Variants in PKIA observed in about 807,000 individuals in gnomAD.
The protein encoded by PKIA is cAMP-dependent protein kinase inhibitor alpha.
A neutral mutation model predicts 7.6 loss-of-function variants in PKIA; 4 were observed. The ratio of observed to expected loss-of-function variants is 0.52; its 90% CI spans 0.26 to 1.20. The LOEUF (loss-of-function observed/expected upper bound fraction) is 1.20, where lower values mean the gene tolerates loss of function less well. PKIA is among the 50% of genes most tolerant of loss of function. The pLI, the probability that PKIA is intolerant of heterozygous loss-of-function variation, is 0.13. For synonymous variants in PKIA, 21 were observed against 30.7 expected, an observed-to-expected ratio of 0.68 and a Z score of 1.04; for missense variants, 73 against 86.2, an observed-to-expected ratio of 0.85 and a Z score of 0.61.
intron 1 of PKIA, among the ~76,000 whole-genome samples, chr8:78,517,664 G>T (rs1809341151): frequency 1.3e-5 from 2 of 152,140 alleles, no homozygotes; most frequent in South Asian, 2.1e-4. Flanking sequence ...CCATTTGCAG[G>T]TTCCTATCCC....
chr8:78,569,899 T>C (rs77290481), intron 1 of PKIA, among the ~76,000 whole-genome samples: 3,548 of 152,132 alleles, frequency 0.023, 128 homozygotes, highest in African/African-American at 0.081. Context: ...AGAGTGGAGA[T>C]GACAAAGCAT....
chr8:78,563,867 T>C (rs544281604), intron 1 of PKIA, among the ~76,000 whole-genome samples: 10 of 152,286 alleles, frequency 6.6e-5, no homozygotes, highest in Non-Finnish European at 1.2e-4. Flanking sequence ...GTCTAGAATA[T>C]GTTTGAATTT....
chr8:78,573,713 A>G (rs547811464), intron 2 of PKIA, among the ~76,000 whole-genome samples: 4 of 152,132 alleles, frequency 2.6e-5, no homozygotes, highest in South Asian at 2.1e-4. Context: ...GAAGACACAT[A>G]CTGAATAATG....
At chr8:78,520,509 A>G (rs2118312636) in intron 1 of PKIA, among the ~76,000 whole-genome samples, 1 of 152,294 alleles carries the variant, frequency 6.6e-6, no homozygotes, top group East Asian at 1.9e-4. Flanking sequence ...TGTGAATTTT[A>G]CACTAAGAAA....
At chr8:78,582,494 C>T (rs924113224) in intron 2 of PKIA, among the ~76,000 whole-genome samples, 1 of 152,028 alleles carries the variant, frequency 6.6e-6, no homozygotes, top group Non-Finnish European at 1.5e-5. Flanking sequence ...AGTTACCTCC[C>T]TCTGGGTCCC....
intron 2 of PKIA, among the ~76,000 whole-genome samples, chr8:78,578,563 C>T (rs1458920540): frequency 2.0e-5 from 3 of 151,670 alleles, no homozygotes; most frequent in African/African-American, 7.3e-5. Context: ...TTGCTAAAAG[C>T]TCTCGTTAGA....
chr8:78,575,612 G>A (rs1294933373), intron 2 of PKIA, among the ~76,000 whole-genome samples: 1 of 151,948 alleles, frequency 6.6e-6, no homozygotes. Flanking sequence ...ACACGTGCAA[G>A]ATTTATCTTA....
intron 1 of PKIA, among the ~76,000 whole-genome samples, chr8:78,516,724 T>A (rs1347811305): frequency 6.6e-6 from 1 of 152,236 alleles, no homozygotes; most frequent in African/African-American, 2.4e-5. Context: ...AGTGCCAGAT[T>A]CGCGTAGACA....
At chr8:78,553,384 C>T (rs1012976079) in intron 1 of PKIA, among the ~76,000 whole-genome samples, 1 of 151,904 alleles carries the variant, frequency 6.6e-6, no homozygotes, top group African/African-American at 2.4e-5. Flanking sequence ...CCTCATACTC[C>T]TCATCTATAA....
At chr8:78,522,000 G>A (rs2118319362) in intron 1 of PKIA, among the ~76,000 whole-genome samples, 1 of 151,818 alleles carries the variant, frequency 6.6e-6, no homozygotes, top group East Asian at 1.9e-4. Context: ...TTTGTCTCTA[G>A]CTTCTTTCAC....
chr8:78,586,929 T>C (rs573297620), intron 2 of PKIA, among the ~76,000 whole-genome samples: 2 of 152,314 alleles, frequency 1.3e-5, no homozygotes, highest in Middle Eastern at 3.4e-3. Context: ...ATAATCCATA[T>C]ACACAGATGT....
At chr8:78,555,097 T>C (rs189497533) in intron 1 of PKIA, among the ~76,000 whole-genome samples, 20 of 152,152 alleles carry the variant, frequency 1.3e-4, no homozygotes, top group South Asian at 2.1e-4. Flanking sequence ...ACAGGTTGCA[T>C]TTTTCAAACT....
chr8:78,547,392 C>T (rs771261476), intron 1 of PKIA, among the ~76,000 whole-genome samples: 33 of 152,120 alleles, frequency 2.2e-4, no homozygotes, highest in Non-Finnish European at 2.9e-4. Context: ...CGTGAGCCAC[C>T]GCACCTGGCC....
intron 2 of PKIA, among the ~76,000 whole-genome samples, chr8:78,594,314 T>C (rs909262106): frequency 6.6e-5 from 10 of 151,948 alleles, no homozygotes; most frequent in Non-Finnish European, 2.9e-5. Context: ...TGGAAAAATA[T>C]TGCTCATTAT....
chr8:78,564,216 T>C (rs1416231800), intron 1 of PKIA, among the ~76,000 whole-genome samples: 1 of 151,966 alleles, frequency 6.6e-6, no homozygotes, highest in African/African-American at 2.4e-5. Context: ...TTAAGTAGAA[T>C]GAGAAAGAAT....
intron 2 of PKIA, among the ~76,000 whole-genome samples, chr8:78,574,861 A>T (rs529628545): frequency 2.7e-4 from 41 of 152,014 alleles, no homozygotes; most frequent in African/African-American, 5.1e-4. Flanking sequence ...CATTTTTTTT[A>T]AAATTTCTAC....
intron 1 of PKIA, among the ~76,000 whole-genome samples, chr8:78,521,953 T>C (rs1275575368): frequency 6.6e-6 from 1 of 151,962 alleles, no homozygotes; most frequent in Non-Finnish European, 1.5e-5. Flanking sequence ...GAATCACTTA[T>C]GGAATGTTCT....
intron 1 of PKIA, among the ~76,000 whole-genome samples, chr8:78,562,727 C>T (rs1055635874): frequency 6.6e-6 from 1 of 152,112 alleles, no homozygotes; most frequent in African/African-American, 2.4e-5. Context: ...TAACCAGTTT[C>T]ACTTGTCAAT....
At chr8:78,561,247 G>T (rs1015783712) in intron 1 of PKIA, among the ~76,000 whole-genome samples, 5 of 152,012 alleles carry the variant, frequency 3.3e-5, no homozygotes, top group African/African-American at 1.2e-4. Context: ...CTACATATAG[G>T]TGCCACTGTT....
Sources: allele counts gnomAD v4.1 joint callset (sites outside exome capture counted in the v4.1 genomes callset), GRCh38; gene constraint gnomAD v4.1.1; transcripts MANE v1.5; gene names NCBI Gene and HGNC (gene_info 2026-07-23, HGNC 2026-07-21).